The following VEZF1 variants were observed in gnomAD, a reference collection of about 807,000 sequenced individuals.
VEZF1 encodes the protein putative transcription factor DB1.
In VEZF1, 5 loss-of-function variants were observed where a neutral mutation model predicts 44.1. The observed-to-expected ratio is 0.11, with a 90% confidence interval of 0.06 to 0.24. The LOEUF (loss-of-function observed/expected upper bound fraction) is 0.24. Among genes scored for constraint, VEZF1 ranks in the 10% least tolerant of loss-of-function variants. The pLI is 1.00. For missense variants in VEZF1, 358 were observed against 641.8 expected (o/e 0.56, Z 4.78); for synonymous variants, 236 against 233.1 (o/e 1.01, Z -0.11).
At chr17:57,978,345 A>G (rs2075212374) in intron 5 of VEZF1, among the ~76,000 whole-genome samples, 1 of 152,210 alleles carries the variant, frequency 6.6e-6, no homozygotes, top group Admixed American at 6.5e-5. Flanking sequence ...TTAACATTTA[A>G]CATAGTAAGA....
Position 57,974,619 on chromosome 17 carries a change from C to T in VEZF1, c.1420G>A (p.Val474Met). The T allele has an allele frequency of 6.2e-7, 1 of 1,614,016 alleles. No homozygotes were observed. Among genetic ancestry groups the T allele is most frequent in the Non-Finnish European group, 8.5e-7 (1 of 1,179,998 alleles). Residue 474 changes from valine to methionine, a missense_variant, in exon 6 of 6, where the codon GTG (valine) becomes ATG (methionine). Physicochemically the swap from Val to Met is conservative, Grantham distance 21. Coordinates refer to ENST00000581208, the MANE Select transcript of VEZF1 (RefSeq NM_007146.3). ...ATGGTGACAGGGTGTGCTATATTCA[C>T]TGGGGCAGTGACGGGGGTGGGGAGG... ...VNLPTPVTAPVNIAHPVTITS... is the reference protein window; with the variant it reads ...VNLPTPVTAPMNIAHPVTITS...
intron 1 of VEZF1, among the ~76,000 whole-genome samples, chr17:57,984,299 G>A (rs575765929): frequency 9.2e-5 from 14 of 152,172 alleles, no homozygotes; most frequent in African/African-American, 2.9e-4. Flanking sequence ...TCTTTTAGCC[G>A]CAATGAAACC....
chr17:57,979,192 T>C lies in VEZF1; in HGVS notation c.1098A>G (p.Thr366=), dbSNP rs2075220856. 2 of 1,613,934 alleles carry C rather than the reference T, an allele frequency of 1.2e-6. No homozygotes were observed. Among genetic ancestry groups the C allele is most frequent in the South Asian group, 1.1e-5 (1 of 91,060 alleles). Residue 366 remains threonine, a synonymous_variant, in exon 5 of 6, where the codon ACA becomes ACG. Coordinates refer to ENST00000581208, the MANE Select transcript of VEZF1 (RefSeq NM_007146.3). ...VTSWPGKQVE[T]LRLWEEAVKA... is the part of the protein sequence containing the mutation. ...TAACAGCTTCTTCCCACAGTCTCAG[T>C]GTTTCTACTTGCTTCCCTGGCCAGC...
intron 5 of VEZF1, among the ~76,000 whole-genome samples, chr17:57,977,712 C>T (rs2075205549): frequency 6.6e-6 from 1 of 151,926 alleles, no homozygotes; most frequent in African/African-American, 2.4e-5. Flanking sequence ...GGCGCGGTGG[C>T]ACATGCCTGT....
At chr17:57,986,034 C>T (rs1212436571) in intron 1 of VEZF1, 2 of 152,164 alleles carry the variant, frequency 1.3e-5, no homozygotes, top group African/African-American at 2.4e-5. Flanking sequence ...CAACTGCTCT[C>T]GGCTCTAAAT....
In VEZF1 at chr17:57,988,169, C is replaced by G. The variant is rs1255306188; in HGVS notation, c.-58G>C. On this transcript the variant is annotated 5_prime_UTR_variant, in exon 1 of 6. Transcript: ENST00000581208. ...CCCCCCGCTCGGGGAGCCTCCTCAG[C>G]CGGAGGAGGCGACAACAAAGCGGCG... is the stretch of plus-strand genomic sequence containing the variant. 6 of 472,798 alleles carry G rather than the reference C, an allele frequency of 1.3e-5. No individual in the cohort carries two copies. The highest frequency in any genetic ancestry group is 1.8e-5 in the Non-Finnish European group (6 of 325,378). 29.3% of individuals were successfully genotyped at this position (472,798 alleles called of 1,614,324 possible).
chr17:57,986,476 T>C (rs1170665032), intron 1 of VEZF1, among the ~76,000 whole-genome samples: 4 of 152,212 alleles, frequency 2.6e-5, no homozygotes, highest in African/African-American at 9.6e-5. Flanking sequence ...TAGTTATATA[T>C]CATTTCTTTT....
At position 57,979,243 on chromosome 17, in the gene VEZF1, T is replaced by TTGTTGCTGC. The variant is rs914850486; in HGVS notation, c.1046_1047insGCAGCAACA (p.Gln352_Gln354dup). The TTGTTGCTGC allele has an allele frequency of 9.6e-4, 1,529 of 1,596,570 alleles. 1 individual carries two copies. The highest frequency in any genetic ancestry group is 1.2e-3 in the Non-Finnish European group (1,412 of 1,168,366). On this transcript the variant is annotated inframe_insertion, in exon 5 of 6. Transcript: ENST00000581208. ...TTGTCACATGTTGTTGTTGTTGTTGTTGCTGCTGCTGCTGCTGCTGCTGCT... is the reference window on the plus strand; with the variant it reads ...TTGTCACATGTTGTTGTTGTTGTTGTTGTTGCTGCTGCTGCTGCTGCTGCTGCTGCTGCT...
At position 57,973,816 on chromosome 17, in the gene VEZF1, A is replaced by G. The variant is rs1437491538; in HGVS notation, c.*657T>C. 1 of 152,628 alleles carries G rather than the reference A, an allele frequency of 6.6e-6. No homozygotes were observed. Among genetic ancestry groups the G allele is most frequent in the Non-Finnish European group, 1.5e-5 (1 of 68,144 alleles). The allele number at this position is 152,628 out of a possible 1,614,324, so 9.5% of individuals were successfully genotyped here. On this transcript the variant is annotated 3_prime_UTR_variant, in exon 6 of 6. Transcript: ENST00000581208. The stretch of plus-strand genomic sequence containing the variant: ...GATTAATATGCTGAGCAATATTTAC[A>G]TCTCCAAATATCAGGTCACAATCCC...
At chr17:57,987,513 G>C (rs1166395913) in intron 1 of VEZF1, among the ~76,000 whole-genome samples, 3 of 152,176 alleles carry the variant, frequency 2.0e-5, no homozygotes, top group Admixed American at 2.0e-4. Flanking sequence ...GGGAACCTGG[G>C]GATACCCGCT....
chr17:57,975,336 G>A (rs982738607), intron 5 of VEZF1, among the ~76,000 whole-genome samples: 5 of 152,218 alleles, frequency 3.3e-5, no homozygotes, highest in African/African-American at 1.2e-4. Context: ...ACACAGAGCT[G>A]GGCCAATGGT....
intron 5 of VEZF1, among the ~76,000 whole-genome samples, chr17:57,976,340 TC>T (rs1292396701): frequency 6.6e-6 from 1 of 152,096 alleles, no homozygotes; most frequent in Non-Finnish European, 1.5e-5. Flanking sequence ...CACACCATTC[TC>T]CCTATCAGGG....
chr17:57,988,102 TG>T lies in VEZF1; in HGVS notation c.9del (p.Asn4ThrfsTer28). The T allele has an allele frequency of 2.5e-6, 2 of 805,432 alleles. No individual in the cohort carries two copies. Among genetic ancestry groups the T allele is most frequent in the Non-Finnish European group, 3.2e-6 (2 of 626,248 alleles). The allele number at this position is 805,432 out of a possible 1,614,324, so 49.9% of individuals were successfully genotyped here. On this transcript the variant is annotated frameshift_variant, in exon 1 of 6. Transcript: ENST00000581208. LOFTEE classifies it high-confidence loss of function. ...ACCTGGAACAGGAACGCGGTCCAGT[TG>T]GCCTCCATGGCTGCGGCGGCCGACC... is the stretch of plus-strand genomic sequence containing the variant. The part of the protein sequence containing the change: ME[A>X]NWTAFLFQAH...
At chr17:57,980,886 G>C in intron 3 of VEZF1, 100 bp from the exon 4 acceptor site, 1 of 1,158,814 alleles carries the variant, frequency 8.6e-7, no homozygotes, top group Non-Finnish European at 1.2e-6. Context: ...ACATCAGCAA[G>C]CTGACAACTA....
intron 5 of VEZF1, 101 bp from the exon 6 acceptor site, chr17:57,975,001 A>G: frequency 7.7e-7 from 1 of 1,300,728 alleles, no homozygotes; most frequent in South Asian, 1.5e-5. Flanking sequence ...TCAAACATTT[A>G]ATAAATCAAA....
At chr17:57,976,027 C>T (rs985493995) in intron 5 of VEZF1, among the ~76,000 whole-genome samples, 20 of 152,112 alleles carry the variant, frequency 1.3e-4, no homozygotes, top group Non-Finnish European at 2.8e-4. Flanking sequence ...TCCTCCTAGG[C>T]TCAAGCGATC....
chr17:57,974,415 A>G lies in VEZF1; in HGVS notation c.*58T>C, dbSNP rs1158418807. 7 of 1,548,502 alleles carry G rather than the reference A, an allele frequency of 4.5e-6. No homozygotes were observed. Among genetic ancestry groups the G allele is most frequent in the African/African-American group, 1.4e-5 (1 of 72,748 alleles). ...GTTTACTTTTTGCTTTAATCAACTA[A>G]AAGTTAAGTTGCTGGTAAATATTTA... On this transcript the variant is annotated 3_prime_UTR_variant, in exon 6 of 6. Transcript: ENST00000581208.
intron 2 of VEZF1, 98 bp downstream of exon 2, chr17:57,982,601 C>T (rs2075259932): frequency 8.3e-7 from 1 of 1,199,094 alleles, no homozygotes; most frequent in Non-Finnish European, 1.2e-6. Context: ...GGTCTGCCCA[C>T]ATCTGTTCTC....
At chr17:57,975,226 G>A (rs1238473448) in intron 5 of VEZF1, among the ~76,000 whole-genome samples, 1 of 152,166 alleles carries the variant, frequency 6.6e-6, no homozygotes, top group Non-Finnish European at 1.5e-5. Flanking sequence ...TGCAATGCAG[G>A]GCTAAGTGTT....
Sources: allele counts gnomAD v4.1 joint callset (sites outside exome capture counted in the v4.1 genomes callset), GRCh38; gene constraint gnomAD v4.1.1; transcripts MANE v1.5; gene names NCBI Gene and HGNC (gene_info 2026-07-23, HGNC 2026-07-21).